Variants in WFDC3 observed in about 807,000 individuals in gnomAD.
WFDC3 encodes WAP four-disulfide core domain protein 3.
WFDC3 carries 15 observed loss-of-function variants against 25.8 expected under a neutral mutation model. That is an observed-to-expected ratio of 0.58 (90% confidence interval 0.39 to 0.89). WFDC3 has a LOEUF of 0.89. Ranked by LOEUF, WFDC3 falls within the 40% of genes least tolerant of loss-of-function variation. The probability of loss-of-function intolerance (pLI) is 0.00; values close to 1 mark genes in which losing one functional copy is unlikely to be tolerated. For missense variants in WFDC3, 264 were observed against 289.8 expected (o/e 0.91, Z 0.65); for synonymous variants, 103 against 107.1 (o/e 0.96, Z 0.24).
rs1364211603 is a variant in WFDC3 at position 45,776,632 on chromosome 20, AAAAATAT to A, written c.493+436_493+442del. ...AAAAAAGAAAAAAAAGAAAAAAAAA[AAAAATAT>A]ATATATATATATATATATATATGTG... is the stretch of plus-strand genomic sequence containing the variant. On this transcript the variant is annotated intron_variant, in intron 5 of 6. Transcript: ENST00000243938. Among the ~76,000 whole-genome samples, 548 of 68,102 alleles carry A rather than the reference AAAAATAT, an allele frequency of 8.0e-3. 8 individuals are homozygous for A. Among genetic ancestry groups the A allele is most frequent in the African/African-American group, 0.029 (474 of 16,394 alleles). 44.7% of individuals were successfully genotyped at this position (68,102 alleles called of 152,430 possible).
chr20:45,776,321 T>TGTGTGTGTATG (rs1980151592), intron 5 of WFDC3, among the ~76,000 whole-genome samples: 3 of 149,002 alleles, frequency 2.0e-5, no homozygotes, highest in Admixed American at 6.7e-5. Flanking sequence ...TGTGTGTGTG[T>TGTGTGTGTATG]TTCCAGCTGG....
intron 1 of WFDC3, chr20:45,791,067 G>A (rs6032539): frequency 1.0e-5 from 4 of 389,412 alleles, no homozygotes; most frequent in South Asian, 7.5e-5. Context: ...CTCCTTAATA[G>A]GATCAAAAAG....
chr20:45,787,599 G>A (rs945008406), intron 4 of WFDC3, among the ~76,000 whole-genome samples: 4 of 151,950 alleles, frequency 2.6e-5, no homozygotes, highest in Non-Finnish European at 4.4e-5. Context: ...CTACTCAACC[G>A]TTTTCAAAGC....
At position 45,787,842 on chromosome 20, in the gene WFDC3, T is replaced by C. The variant is rs776701788; in HGVS notation, c.352A>G (p.Lys118Glu). Reference sequence around the variant, plus strand: ...TGGGGACAGCGTTTCTTACCCAGCTTCTGTTTAGAGATTGGGACTACACAG... The same window carrying C: ...TGGGGACAGCGTTTCTTACCCAGCTCCTGTTTAGAGATTGGGACTACACAG... ...KSCVVPISKQ[K>E]LAEFGGECPA... Residue 118 changes from lysine to glutamate, a missense_variant, in exon 4 of 7, where the codon AAG (lysine) becomes GAG (glutamate). Lys to Glu is a moderately conservative substitution (Grantham distance 56). Transcript: ENST00000243938. 6.2e-7 allele frequency: 1 copy of C among 1,611,898 alleles called. No individual in the cohort carries two copies. The highest frequency in any genetic ancestry group is 8.5e-7 in the Non-Finnish European group (1 of 1,179,096).
chr20:45,789,809 C>A, intron 2 of WFDC3, 85 bp downstream of exon 2: 1 of 1,248,350 alleles, frequency 8.0e-7, no homozygotes, highest in Non-Finnish European at 1.2e-6. Context: ...AGCAACCTTG[C>A]TCTGGGAGAA....
intron 5 of WFDC3, among the ~76,000 whole-genome samples, chr20:45,776,597 C>CA (rs1226620611): frequency 0.068 from 856 of 12,648 alleles, 22 homozygotes; most frequent in African/African-American, 0.21. Flanking sequence ...GACTCTGTCT[C>CA]AAAAAAAAAA....
intron 5 of WFDC3, among the ~76,000 whole-genome samples, chr20:45,776,018 C>T (rs6124742): frequency 0.63 from 95,765 of 151,526 alleles, 30,546 homozygotes; most frequent in Admixed American, 0.72. Context: ...CCTGTAGCAC[C>T]CTGTATGCTT....
At chr20:45,777,817 A>T in intron 4 of WFDC3, among the ~76,000 whole-genome samples, 1 of 26,886 alleles carries the variant, frequency 3.7e-5, no homozygotes, top group African/African-American at 1.1e-4. Context: ...CCCCCCACCC[A>T]GCCCACCCTG....
intron 6 of WFDC3, among the ~76,000 whole-genome samples, chr20:45,774,659 T>C (rs981144832): frequency 3.3e-5 from 5 of 152,216 alleles, no homozygotes; most frequent in Admixed American, 1.3e-4. Context: ...ACTGGAATTA[T>C]GGTCGGGCAC....
At chr20:45,776,660 A>ATATATGTGTG (rs762240715) in intron 5 of WFDC3, among the ~76,000 whole-genome samples, 2 of 93,302 alleles carry the variant, frequency 2.1e-5, no homozygotes, top group Non-Finnish European at 3.9e-5. Flanking sequence ...ATATATATAT[A>ATATATGTGTG]TGTGTGTGTG....
At chr20:45,787,653 T>C (rs1389053463) in intron 4 of WFDC3, among the ~76,000 whole-genome samples, 183 bp downstream of exon 4, 1 of 151,792 alleles carries the variant, frequency 6.6e-6, no homozygotes, top group Non-Finnish European at 1.5e-5. Context: ...TCTGGCACCC[T>C]CCCTCTGCCT....
chr20:45,789,867 G>T, intron 2 of WFDC3, 27 bp downstream of exon 2: 2 of 1,599,934 alleles, frequency 1.3e-6, no homozygotes, highest in Non-Finnish European at 1.7e-6. Flanking sequence ...TGTTACTGTT[G>T]GCCAGGGATC....
intron 4 of WFDC3, among the ~76,000 whole-genome samples, chr20:45,782,263 T>A (rs931306220): frequency 6.6e-6 from 1 of 152,234 alleles, no homozygotes; most frequent in East Asian, 1.9e-4. Context: ...CCTCAATGCC[T>A]GCAGCCACTT....
At chr20:45,787,643 T>C (rs1443401248) in intron 4 of WFDC3, among the ~76,000 whole-genome samples, 193 bp downstream of exon 4, 1 of 152,042 alleles carries the variant, frequency 6.6e-6, no homozygotes, top group Non-Finnish European at 1.5e-5. Flanking sequence ...AGGCTGCCCT[T>C]CTGGCACCCT....
Position 45,789,935 on chromosome 20 carries a change from G to A in WFDC3, c.41C>T (p.Ala14Val), listed in dbSNP as rs1274905117. The A allele has an allele frequency of 1.9e-6, 3 of 1,614,136 alleles. No individual in the cohort carries two copies. The highest frequency in any genetic ancestry group is 1.1e-5 in the South Asian group (1 of 91,090). The change falls in exon 2 of 7, where the codon GCT becomes GTT. Residue 14 changes from alanine (A) to valine (V), a missense_variant. Physicochemically the swap from Ala to Val is moderately conservative, Grantham distance 64. Transcript: ENST00000243938. ...SCLFLLKALL[A>V]LGSLESWITA... Reference sequence around the variant, plus strand: ...TATCCAGGATTCCAGAGACCCAAGAGCAAGAAGTGCCTTCAGAAGAAAGAG... The same window carrying A: ...TATCCAGGATTCCAGAGACCCAAGAACAAGAAGTGCCTTCAGAAGAAAGAG...
rs774735973 is a variant in WFDC3 at position 45,787,882 on chromosome 20, A to C, written c.312T>G (p.Leu104=). The change falls in exon 4 of 7, where the codon CTT becomes CTG. Residue 104 remains leucine (L), a synonymous_variant. Transcript: ENST00000243938. ...TCPGVKKCCT[L]GCNKSCVVPI... is the part of the protein sequence containing the mutation. Reference sequence around the variant, plus strand: ...GGACTACACAGCTCTTGTTGCAGCCAAGCGTGCAGCATTTCTTTACACCTG... The same window carrying C: ...GGACTACACAGCTCTTGTTGCAGCCCAGCGTGCAGCATTTCTTTACACCTG... 1 of 1,614,086 alleles carries C rather than the reference A, an allele frequency of 6.2e-7. No homozygotes were observed. Among genetic ancestry groups the C allele is most frequent in the East Asian group, 2.2e-5 (1 of 44,886 alleles).
chr20:45,785,711 G>C (rs1200794888), intron 4 of WFDC3, among the ~76,000 whole-genome samples: 1 of 152,110 alleles, frequency 6.6e-6, no homozygotes, highest in East Asian at 1.9e-4. Flanking sequence ...AAAATAGGAA[G>C]GGGTTAGACA....
At chr20:45,787,145 A>G (rs116365154) in intron 4 of WFDC3, among the ~76,000 whole-genome samples, 114 of 141,708 alleles carry the variant, frequency 8.0e-4, no homozygotes, top group African/African-American at 2.9e-3. Context: ...TGAGTGGGGA[A>G]ATGTGTGCCA....
chr20:45,781,437 C>T (rs1188776150), intron 4 of WFDC3, among the ~76,000 whole-genome samples: 2 of 152,220 alleles, frequency 1.3e-5, no homozygotes, highest in East Asian at 1.9e-4. Flanking sequence ...CTCAAGACCA[C>T]TTACTTCCAG....
Sources: gnomAD v4.1 joint callset for allele counts (sites outside exome capture counted in the v4.1 genomes callset) on GRCh38, gnomAD v4.1.1 for gene constraint, MANE v1.5 for transcripts, NCBI Gene and HGNC (gene_info 2026-07-23, HGNC 2026-07-21) for gene names.